Variants in PAX5 observed in about 807,000 individuals in gnomAD.
PAX5 encodes the protein paired box protein Pax-5.
A neutral mutation model predicts 43.7 loss-of-function variants in PAX5; 9 were observed. The ratio of observed to expected loss-of-function variants is 0.21; its 90% confidence interval spans 0.12 to 0.36. The LOEUF (loss-of-function observed/expected upper bound fraction) is 0.36, where lower values mean the gene tolerates loss of function less well. PAX5 is among the 10% of genes least tolerant of loss of function. PAX5 has a pLI of 1.00. For synonymous variants in PAX5, 228 were observed against 214.3 expected, an observed-to-expected ratio of 1.06 and a Z score of -0.56; for missense variants, 383 against 532.7, an observed-to-expected ratio of 0.72 and a Z score of 2.77.
chr9:36,996,184 T>G (rs1250743829), intron 5 of PAX5, among the ~76,000 whole-genome samples: 1 of 152,246 alleles, frequency 6.6e-6, no homozygotes, highest in Non-Finnish European at 1.5e-5. Flanking sequence ...TGCTGCCCTC[T>G]GCCATGACGG....
rs1491323250 is a variant in PAX5 at position 36,964,592 on chromosome 9, C to CA, written c.780+1956dup. On this transcript the variant is annotated intron_variant, in intron 6 of 9. Transcript: ENST00000358127. ...GGGCAACAAGAGCAAAACTCCAGCT[C>CA]ACAAAAAAAAAAAAAAAAAGAAGAT... is the stretch of plus-strand genomic sequence containing the variant. 2.3e-3 allele frequency among the ~76,000 whole-genome samples: 207 copies of CA among 91,638 alleles called. 1 individual carries two copies. The highest frequency in any genetic ancestry group is 9.8e-3 in the African/African-American group (196 of 20,012). 60.1% of individuals were successfully genotyped at this position (91,638 alleles called of 152,430 possible).
intron 7 of PAX5, chr9:36,893,527 C>T (rs2131825174): frequency 6.5e-6 from 1 of 154,362 alleles, no homozygotes; most frequent in Admixed American, 6.5e-5. Flanking sequence ...TAGGGACAGG[C>T]TTTTTGCCCA....
Position 37,034,099 on chromosome 9 carries a change from T to TTTTC in PAX5, c.-69_-68insGAAA. 6.6e-6 allele frequency: 1 copy of TTTTC among 151,506 alleles called. No individual in the cohort carries two copies. The highest frequency in any genetic ancestry group is 1.3e-5 in the Non-Finnish European group (1 of 74,278). The allele number at this position is 151,506 out of a possible 1,614,324, so 9.4% of individuals were successfully genotyped here. A position where few individuals can be genotyped will look rare whatever the true frequency, so the allele number is the denominator to read the frequency against. On this transcript the variant is annotated 5_prime_UTR_variant, in exon 1 of 10. Coordinates refer to ENST00000358127, the MANE Select transcript of PAX5 (RefSeq NM_016734.3). Reference sequence around the variant, plus strand: ...CCACTTTTTTGTGCCTTTTTTTTTCTTTTTTTTTTTTTTTTTTTTTTTTTT... The same window carrying TTTTC: ...CCACTTTTTTGTGCCTTTTTTTTTCTTTTCTTTTTTTTTTTTTTTTTTTTTTTTT...
intron 5 of PAX5, among the ~76,000 whole-genome samples, chr9:36,979,399 G>A (rs936241501): frequency 6.6e-6 from 1 of 152,178 alleles, no homozygotes; most frequent in Admixed American, 6.5e-5. Flanking sequence ...TTAAATTGAC[G>A]TGTTTGGGCT....
chr9:37,025,724 GGCCTTGCCCTC>G (rs1445389093), intron 1 of PAX5, among the ~76,000 whole-genome samples: 1 of 152,210 alleles, frequency 6.6e-6, no homozygotes, highest in Non-Finnish European at 1.5e-5. Flanking sequence ...CAGCCAGGCC[GGCCTTGCCCTC>G]GCCCTAAATG....
chr9:36,860,950 T>C (rs767590808), intron 8 of PAX5: 3 of 152,136 alleles, frequency 2.0e-5, no homozygotes, highest in Non-Finnish European at 4.4e-5. Context: ...TTCTAGGAGA[T>C]TTACACTTTC....
At position 36,909,625 on chromosome 9, in the gene PAX5, A is replaced by G. The variant is rs1003598387; in HGVS notation, c.910+13730T>C. Among the ~76,000 whole-genome samples, 4 of 152,210 alleles carry G rather than the reference A, an allele frequency of 2.6e-5. No homozygotes were observed. The East Asian group carries it at 5.8e-4, about 22-fold the overall frequency. ...GGGTTAGAACAGGGTTGAAAACCCA[A>G]TGCCCACAGGGGCCAGCAGGTAAGG... On this transcript the variant is annotated intron_variant, in intron 7 of 9. Coordinates refer to ENST00000358127, the MANE Select transcript of PAX5 (RefSeq NM_016734.3).
rs56175234 is a variant in PAX5 at position 36,834,417 on chromosome 9, A to AGTGTGTGTGTGTGT, written c.*6129_*6142dup. The stretch of plus-strand genomic sequence containing the variant: ...TGTCTGAGGTGTAGGGGAGTGAGTG[A>AGTGTGTGTGTGTGT]GTGTGTGTGTGTGTGTGTGTGTGTG... On this transcript the variant is annotated 3_prime_UTR_variant, in exon 10 of 10. Transcript: ENST00000358127. The AGTGTGTGTGTGTGT allele has an allele frequency of 2.2e-5, 5 of 224,100 alleles. No individual in the cohort carries two copies. The highest frequency in any genetic ancestry group is 1.2e-4 in the African/African-American group (5 of 43,394). 13.9% of individuals were successfully genotyped at this position (224,100 alleles called of 1,614,324 possible).
At position 36,882,152 on chromosome 9, in the gene PAX5, A is replaced by G. The variant is rs1299301047; in HGVS notation, c.911-47T>C. On this transcript the variant is annotated intron_variant, in intron 7 of 9. Coordinates refer to ENST00000358127, the MANE Select transcript of PAX5 (RefSeq NM_016734.3). The surrounding 1 kb of genome is among the most constrained non-coding windows in gnomAD (Gnocchi z 4.4). The stretch of plus-strand genomic sequence containing the variant: ...TCACAGGGTGAGCATCTTCGCGGCC[A>G]GCCGCTCATGTCCACAGCTCCCTGG... 33 of 1,459,792 alleles carry G rather than the reference A, an allele frequency of 2.3e-5. No individual in the cohort carries two copies. Among genetic ancestry groups the G allele is most frequent in the Non-Finnish European group, 3.0e-5 (32 of 1,070,392 alleles). The allele number at this position is 1,459,792 out of a possible 1,614,324, so 90.4% of individuals were successfully genotyped here.
At chr9:36,976,318 T>G (rs1835421281) in intron 5 of PAX5, among the ~76,000 whole-genome samples, 1 of 152,208 alleles carries the variant, frequency 6.6e-6, no homozygotes, top group African/African-American at 2.4e-5. Flanking sequence ...TTCTATTCTC[T>G]GCATGGTGCT....
At chr9:36,973,379 T>C (rs974031741) in intron 5 of PAX5, among the ~76,000 whole-genome samples, 12 of 152,162 alleles carry the variant, frequency 7.9e-5, no homozygotes, top group African/African-American at 2.7e-4. Context: ...CTGATGGTCA[T>C]CTGCCACAGG....
At chr9:36,991,792 CTCA>C (rs10573341) in intron 5 of PAX5, among the ~76,000 whole-genome samples, 70,351 of 151,798 alleles carry the variant, frequency 0.46, 16,681 homozygotes, top group East Asian at 0.67. Context: ...GTCTGACTCC[CTCA>C]TCACTTTCGT....
At position 37,034,213 on chromosome 9, in the gene PAX5, A is replaced by C. The variant is rs1841319080; in HGVS notation, c.-182T>G. 1 of 586,402 alleles carries C rather than the reference A, an allele frequency of 1.7e-6. No individual in the cohort carries two copies. Among genetic ancestry groups the C allele is most frequent in the Middle Eastern group, 4.6e-4 (1 of 2,170 alleles). 36.3% of individuals were successfully genotyped at this position (586,402 alleles called of 1,614,324 possible). A position where few individuals can be genotyped will look rare whatever the true frequency, so the allele number is the denominator to read the frequency against. On this transcript the variant is annotated 5_prime_UTR_variant, in exon 1 of 10. Coordinates refer to ENST00000358127, the MANE Select transcript of PAX5 (RefSeq NM_016734.3). Reference sequence around the variant, plus strand: ...GGTAGCTGATCACTGAGCTGAAACTAAACGTTTTAGGTGGAAAAAAAGCGT... The same window carrying C: ...GGTAGCTGATCACTGAGCTGAAACTCAACGTTTTAGGTGGAAAAAAAGCGT...
intron 8 of PAX5, among the ~76,000 whole-genome samples, chr9:36,863,779 G>A (rs1175760275): frequency 2.0e-5 from 3 of 152,188 alleles, no homozygotes; most frequent in Non-Finnish European, 2.9e-5. Flanking sequence ...CGCAGGTCGG[G>A]GAATGAAAGG....
chr9:36,957,458 A>C (rs1170004136), intron 6 of PAX5, among the ~76,000 whole-genome samples: 2 of 152,154 alleles, frequency 1.3e-5, no homozygotes, highest in Non-Finnish European at 2.9e-5. Flanking sequence ...TACCTTGTCC[A>C]TTTTTGCTAG....
chr9:36,903,628 GCAAT>G (rs1828579729), intron 7 of PAX5, among the ~76,000 whole-genome samples: 1 of 152,214 alleles, frequency 6.6e-6, no homozygotes, highest in Admixed American at 6.5e-5. Context: ...GAAAGAAGGA[GCAAT>G]CATACCTGCT....
chr9:37,025,825 T>C (rs140092229), intron 1 of PAX5, among the ~76,000 whole-genome samples: 1 of 152,312 alleles, frequency 6.6e-6, no homozygotes, highest in Non-Finnish European at 1.5e-5. Context: ...TCCTCTTTCT[T>C]TCTTTCTTTT....
At chr9:37,008,309 C>T (rs1347616858) in intron 3 of PAX5, among the ~76,000 whole-genome samples, 2 of 152,254 alleles carry the variant, frequency 1.3e-5, no homozygotes, top group African/African-American at 4.8e-5. Context: ...CCTCCTCGGC[C>T]TCCCAAAGTG....
At chr9:37,033,928 A>T in intron 1 of PAX5, 58 bp downstream of exon 1, 2 of 1,567,166 alleles carry the variant, frequency 1.3e-6, no homozygotes, top group Non-Finnish European at 1.8e-6. Flanking sequence ...CTGCGTGGGG[A>T]CCAAGGCCTG....
Sources: gnomAD v4.1 joint callset for allele counts (sites outside exome capture counted in the v4.1 genomes callset) on GRCh38, gnomAD v4.1.1 for gene constraint, Gnocchi (gnomAD v3.1) non-coding constraint, MANE v1.5 for transcripts, NCBI Gene and HGNC (gene_info 2026-07-23, HGNC 2026-07-21) for gene names.